Variants in TULP4 observed in about 807,000 individuals in gnomAD.
TULP4 encodes the protein tubby-related protein 4.
TULP4 carries 16 observed loss-of-function variants against 129.0 expected under a neutral mutation model. That is an observed-to-expected ratio of 0.12 (90% CI 0.08 to 0.19). The LOEUF is 0.19. Among genes scored for constraint, TULP4 ranks in the 10% least tolerant of loss-of-function variants. The pLI, the probability that TULP4 is intolerant of heterozygous loss-of-function variation, is 1.00. For missense variants in TULP4, 1,842 were observed against 2,059.1 expected, an observed-to-expected ratio of 0.89 and a Z score of 2.04; for synonymous variants, 998 against 854.0, an observed-to-expected ratio of 1.17 and a Z score of -2.94.
At chr6:158,417,545 G>C (rs1778237675) in intron 2 of TULP4, among the ~76,000 whole-genome samples, 1 of 152,142 alleles carries the variant, frequency 6.6e-6, no homozygotes, top group South Asian at 2.1e-4. Flanking sequence ...TGGCATTCTG[G>C]GGGAGGCTTG....
rs184741014 is a variant in TULP4 at position 158,264,364 on chromosome 6, T to C, written n.68+32061T>C. Among the ~76,000 whole-genome samples the C allele has an allele frequency of 4.1e-3, 620 of 152,364 alleles. 1 individual carries two copies. The highest frequency in any genetic ancestry group is 8.5e-3 in the South Asian group (41 of 4,824). ...AGTGCCATTTGAGAATTTCGGAATT[T>C]ATACGTATGTTGGTTTGTCATCTTC... On this transcript the variant is annotated intron_variant and non_coding_transcript_variant, in intron 1 of 1. Coordinates refer to the TULP4 transcript ENST00000620026.
chr6:158,309,234 GCTC>G (rs1372131457), upstream of TULP4, among the ~76,000 whole-genome samples: 1 of 116,676 alleles, frequency 8.6e-6, no homozygotes, highest in Non-Finnish European at 1.8e-5. Context: ...GGGCAGAGAC[GCTC>G]CTCACCTCCC....
At chr6:158,277,084 C>T (rs1208693680) in intron 1 of TULP4, among the ~76,000 whole-genome samples, 5 of 152,082 alleles carry the variant, frequency 3.3e-5, no homozygotes, top group South Asian at 2.1e-4. Flanking sequence ...GGACTACAGG[C>T]GCGTGCTACC....
intron 1 of TULP4, among the ~76,000 whole-genome samples, chr6:158,246,754 A>G (rs1562493512): frequency 6.6e-6 from 1 of 152,114 alleles, no homozygotes; most frequent in African/African-American, 2.4e-5. Flanking sequence ...AGAATCAGTT[A>G]TTTTTTCTAA....
chr6:158,306,228 T>G (rs1416291355), intron 1 of TULP4, among the ~76,000 whole-genome samples: 3 of 152,240 alleles, frequency 2.0e-5, no homozygotes, highest in African/African-American at 4.8e-5. Context: ...CTGTGGAAAT[T>G]TATCCTATAT....
rs1583866771 is a variant in TULP4 at position 158,429,773 on chromosome 6, C to T, written c.419C>T (p.Ala140Val). 1 of 1,613,374 alleles carries T rather than the reference C, an allele frequency of 6.2e-7. No individual in the cohort carries two copies. ...DFTWSHDGTQ[A>V]LISYRDGFVL... ...ACGTGGAGCCATGATGGAACTCAAGCACTTATTTCCTATCGAGATGGGTTT... is the reference window on the plus strand; with the variant it reads ...ACGTGGAGCCATGATGGAACTCAAGTACTTATTTCCTATCGAGATGGGTTT... The change falls in exon 3 of 14, where the codon GCA becomes GTA. Residue 140 changes from alanine to valine, a missense_variant. Ala to Val is a moderately conservative substitution (Grantham distance 64). Around this residue, in one of 5 missense-constraint regions of TULP4, gnomAD observed 151 missense variants for 268.7 expected, o/e 0.56. Coordinates refer to ENST00000367097, the MANE Select transcript of TULP4 (RefSeq NM_020245.5).
chr6:158,499,229 G>A (rs1201989398), intron 12 of TULP4, among the ~76,000 whole-genome samples: 1 of 152,142 alleles, frequency 6.6e-6, no homozygotes. Context: ...CTGAGATAGT[G>A]TCTCACTCCA....
chr6:158,256,689 GAACCT>G (rs1191743423), intron 1 of TULP4, among the ~76,000 whole-genome samples: 9 of 152,186 alleles, frequency 5.9e-5, no homozygotes, highest in Non-Finnish European at 1.3e-4. Context: ...ATCAGGCAGG[GAACCT>G]GTCTGAACCA....
chr6:158,444,913 G>A (rs1044544678), intron 3 of TULP4, among the ~76,000 whole-genome samples: 4 of 152,200 alleles, frequency 2.6e-5, no homozygotes, highest in African/African-American at 9.7e-5. Context: ...CTGGGCTCCA[G>A]TGATCCTCCC....
At chr6:158,294,797 T>C (rs747832697) in intron 1 of TULP4, among the ~76,000 whole-genome samples, 1 of 152,182 alleles carries the variant, frequency 6.6e-6, no homozygotes, top group African/African-American at 2.4e-5. Context: ...AGTGGCGTGA[T>C]CTCAGCTTAC....
intron 1 of TULP4, among the ~76,000 whole-genome samples, chr6:158,265,730 T>TC (rs1176387410): frequency 9.8e-5 from 15 of 152,300 alleles, no homozygotes; most frequent in African/African-American, 3.6e-4. Flanking sequence ...ATACTTTTTT[T>TC]TTCTTAAGCA....
chr6:158,488,799 G>C (rs949558969), intron 8 of TULP4, among the ~76,000 whole-genome samples: 1 of 152,014 alleles, frequency 6.6e-6, no homozygotes, highest in African/African-American at 2.4e-5. Flanking sequence ...GGCAGTGGAG[G>C]GGGGTGTGTG....
chr6:158,453,509 A>AAAAAAAAAAAAAAAG (rs71030172), intron 5 of TULP4, among the ~76,000 whole-genome samples: 1 of 128,200 alleles, frequency 7.8e-6, no homozygotes, highest in African/African-American at 3.1e-5. Flanking sequence ...AAAAAAAAAA[A>AAAAAAAAAAAAAAAG]GCCGGGCACG....
At chr6:158,254,821 C>T (rs1778215254) in intron 1 of TULP4, among the ~76,000 whole-genome samples, 1 of 152,226 alleles carries the variant, frequency 6.6e-6, no homozygotes, top group Non-Finnish European at 1.5e-5. Flanking sequence ...CTTGTTATCC[C>T]AGCACTTTGG....
At chr6:158,261,196 A>G (rs550837537) in intron 1 of TULP4, among the ~76,000 whole-genome samples, 9 of 152,334 alleles carry the variant, frequency 5.9e-5, no homozygotes, top group Non-Finnish European at 1.0e-4. Flanking sequence ...GTTGTGCAGT[A>G]AGGTAGCTAC....
At chr6:158,321,066 TTAACTTTTTGG>T (rs1337919224) in intron 1 of TULP4, among the ~76,000 whole-genome samples, 1 of 152,178 alleles carries the variant, frequency 6.6e-6, no homozygotes, top group African/African-American at 2.4e-5. Context: ...AAAATTTTCT[TTAACTTTTTGG>T]CCCACTTCAG....
rs2128482924 is a variant in TULP4 at position 158,313,377 on chromosome 6, T to A, written c.-640T>A. The A allele has an allele frequency of 2.5e-6, 1 of 398,086 alleles. No individual in the cohort carries two copies. Among genetic ancestry groups the A allele is most frequent in the South Asian group, 1.3e-4 (1 of 7,720 alleles). The allele number at this position is 398,086 out of a possible 1,614,324, so 24.7% of individuals were successfully genotyped here. The stretch of plus-strand genomic sequence containing the variant: ...GGACTCTTGTCTGCACAAACTCTGG[T>A]CTGTTTTGCACGGTTTGTGTGCCTT... On this transcript the variant is annotated 5_prime_UTR_variant, in exon 1 of 14. Coordinates refer to ENST00000367097, the MANE Select transcript of TULP4 (RefSeq NM_020245.5).
intron 1 of TULP4, among the ~76,000 whole-genome samples, chr6:158,239,552 T>C: frequency 2.1e-5 from 1 of 47,120 alleles, no homozygotes; most frequent in Admixed American, 2.3e-4. Flanking sequence ...GAGGCGCCCC[T>C]CACCTCCCGG....
chr6:158,457,082 G>A (rs757315499), intron 5 of TULP4, among the ~76,000 whole-genome samples: 9 of 152,060 alleles, frequency 5.9e-5, no homozygotes, highest in Non-Finnish European at 1.0e-4. Context: ...TGTTGGAGAC[G>A]GCACATGGCA....
Sources: gnomAD v4.1 joint callset for allele counts (sites outside exome capture counted in the v4.1 genomes callset) on GRCh38, gnomAD v4.1.1 for gene constraint, gnomAD v4.1.1 regional missense constraint, MANE v1.5 for transcripts, NCBI Gene and HGNC (gene_info 2026-07-23, HGNC 2026-07-21) for gene names.